PLPPR5: variants seen among roughly 807,000 people sequenced by gnomAD.
PLPPR5 encodes phospholipid phosphatase-related protein type 5.
Under a neutral mutation model 33.9 loss-of-function variants are expected in PLPPR5, and 16 were observed. That is an observed-to-expected ratio of 0.47 (90% CI 0.32 to 0.72). PLPPR5 has a LOEUF of 0.72. PLPPR5 is among the 30% of genes least tolerant of loss of function. The pLI is 0.03. For synonymous variants in PLPPR5, 163 were observed against 150.3 expected, an observed-to-expected ratio of 1.08 and a Z score of -0.62; for missense variants, 301 against 406.7, an observed-to-expected ratio of 0.74 and a Z score of 2.23.
intron 3 of PLPPR5, among the ~76,000 whole-genome samples, chr1:98,927,505 C>T (rs567912700): frequency 1.3e-5 from 2 of 152,346 alleles, no homozygotes; most frequent in South Asian, 4.1e-4. Flanking sequence ...CTCCAGCACA[C>T]CTTCCTTATA....
At chr1:98,905,199 A>G (rs1570683960) in intron 5 of PLPPR5, among the ~76,000 whole-genome samples, 2 of 152,172 alleles carry the variant, frequency 1.3e-5, no homozygotes, top group East Asian at 1.9e-4. Context: ...AAGGTACTCA[A>G]TTGCTTACAG....
intron 5 of PLPPR5, among the ~76,000 whole-genome samples, chr1:98,907,715 T>A (rs1648959353): frequency 6.6e-6 from 1 of 152,204 alleles, no homozygotes; most frequent in African/African-American, 2.4e-5. Flanking sequence ...ACTTAGATCC[T>A]GAGCAGAAGA....
At chr1:98,946,303 T>C (rs1424287197) in intron 3 of PLPPR5, among the ~76,000 whole-genome samples, 1 of 152,180 alleles carries the variant, frequency 6.6e-6, no homozygotes, top group Non-Finnish European at 1.5e-5. Context: ...CAATATATAT[T>C]TATGGAATTG....
chr1:98,948,118 C>T (rs1191710534), intron 3 of PLPPR5, among the ~76,000 whole-genome samples: 2 of 152,168 alleles, frequency 1.3e-5, no homozygotes, highest in East Asian at 3.8e-4. Flanking sequence ...TCACCTGCTA[C>T]AAGTAAACGG....
Position 98,956,296 on chromosome 1 carries a change from C to G in PLPPR5, c.370+313G>C, listed in dbSNP as rs571275247. Among the ~76,000 whole-genome samples the G allele has an allele frequency of 4.2e-4, 64 of 152,094 alleles. No individual in the cohort carries two copies. In the South Asian group the frequency reaches 0.012, roughly 29 times the overall value. On this transcript the variant is annotated intron_variant, in intron 2 of 5. Transcript: ENST00000263177. ...TGGAAATGACATCCTAAAGTGGGAT[C>G]TTGCTATATTAAAGAGAAGGTAGTA...
At chr1:99,003,295 T>TA (rs925690866) in intron 1 of PLPPR5, among the ~76,000 whole-genome samples, 20 of 149,628 alleles carry the variant, frequency 1.3e-4, no homozygotes, top group South Asian at 2.1e-4. Flanking sequence ...CTCCTAAAAT[T>TA]AAAAAAAAAG....
chr1:98,993,982 C>T (rs1210762004), intron 1 of PLPPR5, among the ~76,000 whole-genome samples: 3 of 152,032 alleles, frequency 2.0e-5, no homozygotes, highest in Non-Finnish European at 2.9e-5. Context: ...GTCAGGGGTA[C>T]ATTTGTACAT....
chr1:98,900,982 T>C (rs1648676216), intron 5 of PLPPR5, among the ~76,000 whole-genome samples: 1 of 152,162 alleles, frequency 6.6e-6, no homozygotes, highest in Admixed American at 6.6e-5. Flanking sequence ...CACTGCTAGG[T>C]ATTTATCTAA....
chr1:98,914,240 G>A (rs2101151829), intron 5 of PLPPR5, among the ~76,000 whole-genome samples: 1 of 152,236 alleles, frequency 6.6e-6, no homozygotes, highest in African/African-American at 2.4e-5. Flanking sequence ...GTACTAAATG[G>A]ATTTCACACA....
chr1:98,904,261 CTTTTTTT>C (rs1050471002), intron 5 of PLPPR5, among the ~76,000 whole-genome samples: 3 of 117,344 alleles, frequency 2.6e-5, no homozygotes, highest in East Asian at 5.4e-4. Context: ...ATTACTTTCC[CTTTTTTT>C]TTTTTTTTTT....
intron 5 of PLPPR5, among the ~76,000 whole-genome samples, chr1:98,909,950 C>T (rs552645071): frequency 6.6e-6 from 1 of 152,246 alleles, no homozygotes; most frequent in African/African-American, 2.4e-5. Context: ...AAAATCAGGA[C>T]TTTTCCTCAT....
intron 3 of PLPPR5, among the ~76,000 whole-genome samples, chr1:98,924,508 A>T (rs1375677540): frequency 6.6e-6 from 1 of 152,202 alleles, no homozygotes; most frequent in Non-Finnish European, 1.5e-5. Context: ...CATAGGAGTA[A>T]GGCTACATCT....
At chr1:98,903,768 T>C (rs1035990491) in intron 5 of PLPPR5, among the ~76,000 whole-genome samples, 18 of 152,146 alleles carry the variant, frequency 1.2e-4, no homozygotes, top group African/African-American at 4.1e-4. Flanking sequence ...GAAACCATCA[T>C]TGTATCAATT....
rs914560961 is a variant in PLPPR5 at position 98,973,815 on chromosome 1, C to T, written c.238-17074G>A. Reference sequence around the variant, plus strand: ...GCCTAATGGGACATTATCCTGGGACCATGATGTAAATGGTTTAAGATCCAA... The same window carrying T: ...GCCTAATGGGACATTATCCTGGGACTATGATGTAAATGGTTTAAGATCCAA... On this transcript the variant is annotated intron_variant, in intron 1 of 5. Coordinates refer to ENST00000263177, the MANE Select transcript of PLPPR5 (RefSeq NM_001037317.2). Among the ~76,000 whole-genome samples, 3 of 149,308 alleles carry T rather than the reference C, an allele frequency of 2.0e-5. No homozygotes were observed. In the Admixed American group the frequency reaches 2.0e-4, roughly 10 times the overall value.
At chr1:98,916,269 G>A (rs566380569) in intron 4 of PLPPR5, among the ~76,000 whole-genome samples, 1 of 152,264 alleles carries the variant, frequency 6.6e-6, no homozygotes, top group South Asian at 2.1e-4. Context: ...CCACTTCCCA[G>A]AAGAACTACA....
chr1:98,954,776 G>T (rs1431879486), intron 2 of PLPPR5, among the ~76,000 whole-genome samples: 1 of 152,086 alleles, frequency 6.6e-6, no homozygotes, highest in East Asian at 1.9e-4. Context: ...AGAAATTAAA[G>T]AGAACTGAGC....
intron 5 of PLPPR5, among the ~76,000 whole-genome samples, chr1:98,912,132 T>C (rs1383205460): frequency 6.6e-6 from 1 of 152,220 alleles, no homozygotes; most frequent in Non-Finnish European, 1.5e-5. Context: ...GTACAGATCA[T>C]TCAGCTTTTA....
In PLPPR5 at chr1:98,913,256, A is replaced by C. The variant is rs560674248; in HGVS notation, c.933+1530T>G. On this transcript the variant is annotated intron_variant, in intron 5 of 5. Transcript: ENST00000263177. The stretch of plus-strand genomic sequence containing the variant: ...TAATCCATGATGTTGAGTACATCCC[A>C]AAAACATTAATTCACTCATTTAACA... 2.4e-3 allele frequency among the ~76,000 whole-genome samples: 367 copies of C among 152,320 alleles called. 1 individual carries two copies. Among genetic ancestry groups the C allele is most frequent in the Non-Finnish European group, 3.9e-3 (268 of 68,020 alleles).
intron 4 of PLPPR5, 151 bp from the exon 5 acceptor site, chr1:98,915,071 A>T: frequency 3.0e-6 from 2 of 663,406 alleles, no homozygotes; most frequent in Admixed American, 3.3e-5. Context: ...GATTTATTGT[A>T]TTCATTTATT....
Sources: gnomAD v4.1 joint callset for allele counts (sites outside exome capture counted in the v4.1 genomes callset) on GRCh38, gnomAD v4.1.1 for gene constraint, MANE v1.5 for transcripts, NCBI Gene and HGNC (gene_info 2026-07-23, HGNC 2026-07-21) for gene names.